The following NR3C2 variants were observed in gnomAD, a reference collection of about 807,000 sequenced individuals.
NR3C2 encodes the protein mineralocorticoid receptor.
Under a neutral mutation model 86.4 loss-of-function variants are expected in NR3C2, and 15 were observed. The observed-to-expected ratio is 0.17, with a 90% CI of 0.12 to 0.27. The LOEUF (loss-of-function observed/expected upper bound fraction) is 0.27, where lower values mean the gene tolerates loss of function less well. Ranked by LOEUF, NR3C2 falls within the 10% of genes least tolerant of loss-of-function variation. The pLI, the probability that NR3C2 is intolerant of heterozygous loss-of-function variation, is 1.00. For synonymous variants in NR3C2, 458 were observed against 450.5 expected, an observed-to-expected ratio of 1.02 and a Z score of -0.21; for missense variants, 960 against 1,195.6, an observed-to-expected ratio of 0.80 and a Z score of 2.91.
At chr4:148,357,486 T>A (rs967449285) in intron 2 of NR3C2, among the ~76,000 whole-genome samples, 2 of 152,152 alleles carry the variant, frequency 1.3e-5, no homozygotes, top group African/African-American at 2.4e-5. Flanking sequence ...TCTTTTAATA[T>A]GGTAAATATA....
At chr4:148,086,605 G>A (rs571926978) in intron 8 of NR3C2, among the ~76,000 whole-genome samples, 3 of 152,244 alleles carry the variant, frequency 2.0e-5, no homozygotes, top group Admixed American at 6.5e-5. Context: ...AGCCAGGCAT[G>A]GTGGCATACA....
chr4:148,259,936 T>G, intron 3 of NR3C2, 42 bp downstream of exon 3: 1 of 1,613,230 alleles, frequency 6.2e-7, no homozygotes, highest in Non-Finnish European at 8.5e-7. Flanking sequence ...AACTACACAC[T>G]AGGAAAAAAT....
chr4:148,237,497 T>C lies in NR3C2; in HGVS notation c.1897+22481A>G, dbSNP rs554213910. Among the ~76,000 whole-genome samples the C allele has an allele frequency of 2.6e-5, 4 of 152,246 alleles. No homozygotes were observed. The East Asian group carries it at 7.7e-4, about 29-fold the overall frequency. ...GTGAACGTTAAAACCAAAATCAAACTAAAAACTTAAAAACCACTGAAATTT... is the reference window on the plus strand; with the variant it reads ...GTGAACGTTAAAACCAAAATCAAACCAAAAACTTAAAAACCACTGAAATTT... On this transcript the variant is annotated intron_variant, in intron 3 of 8. Coordinates refer to ENST00000358102, the MANE Select transcript of NR3C2 (RefSeq NM_000901.5).
intron 2 of NR3C2, among the ~76,000 whole-genome samples, chr4:148,304,542 C>T (rs1742511169): frequency 6.6e-6 from 1 of 151,996 alleles, no homozygotes; most frequent in Non-Finnish European, 1.5e-5. Context: ...GCTGGGGACC[C>T]TTAGATAGGC....
intron 2 of NR3C2, among the ~76,000 whole-genome samples, chr4:148,267,768 AGAAG>A (rs1740472303): frequency 6.6e-6 from 1 of 152,164 alleles, no homozygotes; most frequent in South Asian, 2.1e-4. Context: ...TCTAAGAAAC[AGAAG>A]GATTTGGAAA....
At chr4:148,225,965 A>G (rs554291906) in intron 3 of NR3C2, among the ~76,000 whole-genome samples, 326 of 152,292 alleles carry the variant, frequency 2.1e-3, no homozygotes, top group Non-Finnish European at 3.9e-3. Context: ...ATTTTCAGAT[A>G]TCTGTAATGC....
chr4:148,338,046 T>G (rs17484601), intron 2 of NR3C2, among the ~76,000 whole-genome samples: 44,020 of 151,994 alleles, frequency 0.29, 7,082 homozygotes, highest in Middle Eastern at 0.43. Context: ...TGGGATTAAA[T>G]AAAACGGGTC....
intron 2 of NR3C2, among the ~76,000 whole-genome samples, chr4:148,346,020 G>C (rs773642052): frequency 5.9e-5 from 9 of 152,106 alleles, no homozygotes; most frequent in Non-Finnish European, 1.2e-4. Flanking sequence ...CTACATAAGA[G>C]GAGAGGGCAG....
chr4:148,281,703 T>C (rs939717456), intron 2 of NR3C2, among the ~76,000 whole-genome samples: 3 of 152,254 alleles, frequency 2.0e-5, no homozygotes, highest in Non-Finnish European at 2.9e-5. Context: ...ATACTCATTA[T>C]ACCTCTCGAT....
intron 6 of NR3C2, among the ~76,000 whole-genome samples, chr4:148,151,978 T>C (rs1421994966): frequency 1.3e-5 from 2 of 152,156 alleles, no homozygotes. Flanking sequence ...AGAATAACAG[T>C]TTGGCTTCTT....
At chr4:148,211,579 G>C (rs1050098091) in intron 3 of NR3C2, among the ~76,000 whole-genome samples, 18 of 152,174 alleles carry the variant, frequency 1.2e-4, no homozygotes, top group African/African-American at 4.1e-4. Context: ...AATTAGAGGA[G>C]CTTATTAAAT....
At chr4:148,137,142 G>A (rs1733384981) in intron 6 of NR3C2, among the ~76,000 whole-genome samples, 1 of 152,106 alleles carries the variant, frequency 6.6e-6, no homozygotes, top group African/African-American at 2.4e-5. Flanking sequence ...AAAGCTATGA[G>A]AATAAGTTAT....
intron 2 of NR3C2, among the ~76,000 whole-genome samples, chr4:148,414,568 C>T (rs1748902816): frequency 6.6e-6 from 1 of 152,140 alleles, no homozygotes; most frequent in Non-Finnish European, 1.5e-5. Flanking sequence ...TAACTATAAT[C>T]CACCTTGATT....
At chr4:148,422,707 T>C (rs1408061533) in intron 2 of NR3C2, among the ~76,000 whole-genome samples, 1 of 152,172 alleles carries the variant, frequency 6.6e-6, no homozygotes, top group African/African-American at 2.4e-5. Flanking sequence ...TTCATTTACA[T>C]AATCTTTCAC....
intron 4 of NR3C2, among the ~76,000 whole-genome samples, chr4:148,184,646 C>A (rs773022922): frequency 6.6e-6 from 1 of 151,960 alleles, no homozygotes; most frequent in Non-Finnish European, 1.5e-5. Flanking sequence ...TTAAAACATA[C>A]CTTCCTAGCA....
intron 2 of NR3C2, among the ~76,000 whole-genome samples, chr4:148,326,168 A>G (rs1394122770): frequency 6.6e-6 from 1 of 151,564 alleles, no homozygotes; most frequent in Non-Finnish European, 1.5e-5. Flanking sequence ...AGGCGGGAGG[A>G]TCACAAGGTG....
chr4:148,306,879 CATAGTT>C (rs1742653616), intron 2 of NR3C2, among the ~76,000 whole-genome samples: 1 of 152,092 alleles, frequency 6.6e-6, no homozygotes, highest in Admixed American at 6.5e-5. Context: ...TGGATAAACT[CATAGTT>C]AAAAGATAAT....
chr4:148,163,722 T>C (rs1431970316), intron 4 of NR3C2, among the ~76,000 whole-genome samples: 3 of 152,012 alleles, frequency 2.0e-5, no homozygotes, highest in Non-Finnish European at 2.9e-5. Context: ...GTGGAGAAAA[T>C]AGTAAAGAGC....
At chr4:148,367,167 C>T (rs952924850) in intron 2 of NR3C2, among the ~76,000 whole-genome samples, 1 of 152,046 alleles carries the variant, frequency 6.6e-6, no homozygotes, top group African/African-American at 2.4e-5. Flanking sequence ...GAGGCACTGT[C>T]CAAAAGAAAC....
Sources: allele counts gnomAD v4.1 joint callset (sites outside exome capture counted in the v4.1 genomes callset), GRCh38; gene constraint gnomAD v4.1.1; transcripts MANE v1.5; gene names NCBI Gene and HGNC (gene_info 2026-07-23, HGNC 2026-07-21).